Variants in FAM177A1 observed in about 807,000 individuals in gnomAD.
FAM177A1 encodes family with sequence similarity 177 member A1.
A neutral mutation model predicts 26.1 loss-of-function variants in FAM177A1; 22 were observed. That is an observed-to-expected ratio of 0.84 (90% CI 0.60 to 1.20). FAM177A1 has a LOEUF of 1.20. Among genes scored for constraint, FAM177A1 ranks in the 50% most tolerant of loss-of-function variants. FAM177A1 has a pLI of 0.00. For synonymous variants in FAM177A1, 95 were observed against 99.3 expected (o/e 0.96, Z 0.26); for missense variants, 296 against 291.1 (o/e 1.02, Z -0.12).
intron 1 of FAM177A1, chr14:35,050,244 A>G (rs879641312): frequency 1.3e-5 from 2 of 152,066 alleles, no homozygotes; most frequent in Non-Finnish European, 2.9e-5. Flanking sequence ...CTTGACCTCA[A>G]GTTGTCTGCC....
chr14:35,068,559 A>T, intron 2 of FAM177A1, among the ~76,000 whole-genome samples: 1 of 152,146 alleles, frequency 6.6e-6, no homozygotes, highest in Admixed American at 6.6e-5. Context: ...TGATTCTGGG[A>T]TTCCTTCCTT....
chr14:35,069,016 T>C (rs768682926), intron 2 of FAM177A1, among the ~76,000 whole-genome samples: 4 of 152,238 alleles, frequency 2.6e-5, no homozygotes, highest in East Asian at 1.9e-4. Flanking sequence ...AACACTGTTA[T>C]ATTGTTTCCA....
chr14:35,059,910 C>T (rs2045123964), intron 2 of FAM177A1, among the ~76,000 whole-genome samples: 2 of 152,216 alleles, frequency 1.3e-5, no homozygotes, highest in South Asian at 4.1e-4. Context: ...AATGATCCAC[C>T]TTCCTTGGCT....
At chr14:35,059,810 G>A (rs1416583339) in intron 2 of FAM177A1, among the ~76,000 whole-genome samples, 2 of 152,026 alleles carry the variant, frequency 1.3e-5, no homozygotes, top group African/African-American at 2.4e-5. Context: ...GTCTCCCAAA[G>A]TGCTGGGATT....
chr14:35,049,350 G>A (rs1174799070), intron 1 of FAM177A1, among the ~76,000 whole-genome samples: 1 of 152,184 alleles, frequency 6.6e-6, no homozygotes, highest in Non-Finnish European at 1.5e-5. Flanking sequence ...AGGAACTCTA[G>A]GCTGAAAGAT....
intron 1 of FAM177A1, chr14:35,050,272 G>A (rs1400090384): frequency 6.6e-6 from 1 of 152,120 alleles, no homozygotes; most frequent in Non-Finnish European, 1.5e-5. Context: ...GTCTCCCAAA[G>A]TGCTGGGGTT....
chr14:35,077,628 G>A (rs1210213652), intron 3 of FAM177A1, among the ~76,000 whole-genome samples: 2 of 151,736 alleles, frequency 1.3e-5, no homozygotes, highest in Non-Finnish European at 2.9e-5. Context: ...GACCACAGGC[G>A]CCCGCCACCG....
chr14:35,059,659 G>A (rs139801504), intron 2 of FAM177A1, among the ~76,000 whole-genome samples: 7 of 150,174 alleles, frequency 4.7e-5, no homozygotes, highest in Non-Finnish European at 8.9e-5. Flanking sequence ...TCAGCCTCCC[G>A]AGTAGCTGGG....
At chr14:35,073,718 T>C (rs2045356084) in intron 2 of FAM177A1, among the ~76,000 whole-genome samples, 1 of 152,204 alleles carries the variant, frequency 6.6e-6, no homozygotes, top group Admixed American at 6.5e-5. Flanking sequence ...CCTTTAAGGC[T>C]TGGGGGCTAG....
At chr14:35,077,342 C>T in intron 3 of FAM177A1, 126 bp downstream of exon 3, 1 of 815,750 alleles carries the variant, frequency 1.2e-6, no homozygotes, top group East Asian at 2.5e-5. Context: ...TCCTCAAGAG[C>T]TAGCTAGCAT....
chr14:35,061,070 GTATA>G (rs199877903), intron 2 of FAM177A1, among the ~76,000 whole-genome samples: 1,657 of 135,974 alleles, frequency 0.012, 39 homozygotes, highest in African/African-American at 0.044. Context: ...ATAGGCATGT[GTATA>G]TAGGAAAAAA....
chr14:35,062,862 C>A (rs1366607990), intron 2 of FAM177A1, among the ~76,000 whole-genome samples: 1 of 141,494 alleles, frequency 7.1e-6, no homozygotes, highest in Non-Finnish European at 1.5e-5. Context: ...GCAAGTAGCA[C>A]AAGAAATTTT....
chr14:35,060,960 C>G (rs548307954), intron 2 of FAM177A1, among the ~76,000 whole-genome samples: 60 of 152,188 alleles, frequency 3.9e-4, no homozygotes, highest in Middle Eastern at 3.4e-3. Context: ...TTTGGGAGAC[C>G]ACATTCATAT....
chr14:35,061,322 C>T (rs891701716), intron 2 of FAM177A1, among the ~76,000 whole-genome samples: 1 of 152,024 alleles, frequency 6.6e-6, no homozygotes, highest in African/African-American at 2.4e-5. Context: ...CCCAGCCCCG[C>T]CCTTCTGCCT....
chr14:35,078,815 C>A, intron 3 of FAM177A1, 112 bp from the exon 4 acceptor site: 1 of 661,168 alleles, frequency 1.5e-6, no homozygotes, highest in South Asian at 2.9e-5. Context: ...TTTTTATAAT[C>A]TCCTTGAGAG....
intron 2 of FAM177A1, among the ~76,000 whole-genome samples, chr14:35,064,895 G>A (rs7149177): frequency 0.18 from 27,063 of 151,898 alleles, 2,572 homozygotes; most frequent in East Asian, 0.37. Flanking sequence ...CTCGTGATCC[G>A]CCCGCTTCAG....
At chr14:35,046,180 G>A (rs867889547), upstream of FAM177A1, 7 of 279,676 alleles carry the variant, frequency 2.5e-5, no homozygotes, top group Admixed American at 1.1e-4. Context: ...GGGGATCCAC[G>A]AGCTCTGGAT....
chr14:35,077,363 TAACC>T, intron 3 of FAM177A1, 147 bp downstream of exon 3: 2 of 690,520 alleles, frequency 2.9e-6, no homozygotes, highest in Non-Finnish European at 5.1e-6. Context: ...TGGGAGATAG[TAACC>T]TAACTTGTAC....
At chr14:35,062,676 A>G (rs1037082730) in intron 2 of FAM177A1, among the ~76,000 whole-genome samples, 1 of 151,856 alleles carries the variant, frequency 6.6e-6, no homozygotes, top group African/African-American at 2.4e-5. Flanking sequence ...CATGCCTATA[A>G]TCTTTGCTTT....
Sources: allele counts gnomAD v4.1 joint callset (sites outside exome capture counted in the v4.1 genomes callset), GRCh38; gene constraint gnomAD v4.1.1; transcripts MANE v1.5; gene names NCBI Gene and HGNC (gene_info 2026-07-23, HGNC 2026-07-21).